CHL1: variants seen among roughly 807,000 people sequenced by gnomAD.
CHL1 encodes the protein cell adhesion molecule L1 like.
CHL1 carries 96 observed loss-of-function variants against 141.9 expected under a neutral mutation model. The ratio of observed to expected loss-of-function variants is 0.68; its 90% CI spans 0.57 to 0.80. The LOEUF (loss-of-function observed/expected upper bound fraction) is 0.80. CHL1 is among the 30% of genes least tolerant of loss of function. The pLI is 0.00. For synonymous variants in CHL1, 613 were observed against 502.2 expected (o/e 1.22, Z -2.95); for missense variants, 1,820 against 1,457.2 (o/e 1.25, Z -4.05).
chr3:231,826 C>G (rs1235384596), intron 1 of CHL1, among the ~76,000 whole-genome samples: 1 of 152,036 alleles, frequency 6.6e-6, no homozygotes, highest in Non-Finnish European at 1.5e-5. Flanking sequence ...ATCCACCCTC[C>G]TTGGCCTCTC....
chr3:332,741 T>G lies in CHL1; in HGVS notation c.385+4387T>G, dbSNP rs141433748. 6.6e-4 allele frequency among the ~76,000 whole-genome samples: 101 copies of G among 152,294 alleles called. 1 individual carries two copies. Among genetic ancestry groups the G allele is most frequent in the African/African-American group, 2.4e-3 (99 of 41,580 alleles). On this transcript the variant is annotated intron_variant, in intron 5 of 27. Transcript: ENST00000256509. ...TGAATTCTGGATTAGAAAGTATTGC[T>G]ATGAAAATTGTGGTTGATCATCGTT...
chr3:215,814 C>T (rs766106822), intron 1 of CHL1, among the ~76,000 whole-genome samples: 16 of 152,162 alleles, frequency 1.1e-4, no homozygotes, highest in Non-Finnish European at 1.9e-4. Flanking sequence ...GCTTTACAAC[C>T]TGACTTTTGG....
chr3:313,710 C>A (rs149800314), intron 2 of CHL1, among the ~76,000 whole-genome samples: 2 of 152,126 alleles, frequency 1.3e-5, no homozygotes, highest in African/African-American at 4.8e-5. Flanking sequence ...AAAACTTAGT[C>A]TTAACCATTT....
At chr3:390,476 A>G (rs1405166515) in intron 20 of CHL1, among the ~76,000 whole-genome samples, 1 of 152,216 alleles carries the variant, frequency 6.6e-6, no homozygotes, top group Non-Finnish European at 1.5e-5. Context: ...CATTGTATCT[A>G]TCTGGAGGGC....
chr3:345,214 C>T (rs1481827844), intron 9 of CHL1, among the ~76,000 whole-genome samples: 1 of 151,856 alleles, frequency 6.6e-6, no homozygotes, highest in African/African-American at 2.4e-5. Flanking sequence ...GTAGTCAGTC[C>T]CTCACTTTTG....
At chr3:402,516 T>C (rs774639580) in intron 27 of CHL1, among the ~76,000 whole-genome samples, 1 of 152,230 alleles carries the variant, frequency 6.6e-6, no homozygotes, top group Non-Finnish European at 1.5e-5. Context: ...ACAGACATAT[T>C]GTAAGTTCCA....
chr3:272,009 A>G (rs915820775), intron 2 of CHL1, among the ~76,000 whole-genome samples: 3 of 152,202 alleles, frequency 2.0e-5, no homozygotes, highest in Non-Finnish European at 2.9e-5. Flanking sequence ...TATGGTAGAC[A>G]TTTTCTGCAA....
At chr3:370,987 G>T (rs1481199586) in intron 15 of CHL1, among the ~76,000 whole-genome samples, 3 of 152,002 alleles carry the variant, frequency 2.0e-5, no homozygotes, top group East Asian at 1.9e-4. Flanking sequence ...ATAATTTACG[G>T]TTTTTTGTAT....
rs148877497 is a variant in CHL1 at position 237,374 on chromosome 3, G to A, written c.-174-7239G>A. ...CTTCCCAAGCCATGCAGAACTGTGA[G>A]TCAATTAAACCTCTTTTCTTTATAA... On this transcript the variant is annotated intron_variant, in intron 1 of 27. Coordinates refer to ENST00000256509, the MANE Select transcript of CHL1 (RefSeq NM_006614.4). 4.9e-4 allele frequency among the ~76,000 whole-genome samples: 75 copies of A among 152,302 alleles called. 2 individuals are homozygous for A. The East Asian group carries it at 9.1e-3, about 18-fold the overall frequency.
At chr3:198,778 C>G (rs1220591652) in intron 1 of CHL1, among the ~76,000 whole-genome samples, 1 of 152,080 alleles carries the variant, frequency 6.6e-6, no homozygotes, top group African/African-American at 2.4e-5. Flanking sequence ...AGTAAAAATT[C>G]TGCGTTTTCT....
At chr3:349,704 T>A (rs374130993) in intron 10 of CHL1, among the ~76,000 whole-genome samples, 161 bp downstream of exon 10, 13 of 152,328 alleles carry the variant, frequency 8.5e-5, no homozygotes, top group South Asian at 4.1e-4. Flanking sequence ...ACTAAGCAGG[T>A]TTGTCATTTA....
intron 2 of CHL1, among the ~76,000 whole-genome samples, chr3:318,364 C>T (rs1235660335): frequency 1.3e-5 from 2 of 151,736 alleles, no homozygotes; most frequent in Non-Finnish European, 2.9e-5. Flanking sequence ...ACTTTTTTCA[C>T]CAGTTCTAAG....
intron 11 of CHL1, among the ~76,000 whole-genome samples, chr3:359,446 G>A (rs911493840): frequency 7.9e-5 from 12 of 151,984 alleles, no homozygotes; most frequent in Admixed American, 6.6e-4. Flanking sequence ...GGGGTTACAG[G>A]AGTGCACCAC....
At chr3:312,727 C>T (rs1030755086) in intron 2 of CHL1, among the ~76,000 whole-genome samples, 6 of 152,152 alleles carry the variant, frequency 3.9e-5, no homozygotes, top group African/African-American at 1.2e-4. Context: ...TGTCAAATGG[C>T]TTTATATAAG....
chr3:324,060 T>C (rs954583884), intron 3 of CHL1, among the ~76,000 whole-genome samples: 1 of 152,148 alleles, frequency 6.6e-6, no homozygotes, highest in Admixed American at 6.6e-5. Context: ...ATAGTAAATA[T>C]TGTTAGCTAT....
At chr3:213,155 GT>G (rs1486914350) in intron 1 of CHL1, 3 of 152,132 alleles carry the variant, frequency 2.0e-5, no homozygotes, top group African/African-American at 2.4e-5. Flanking sequence ...AAGTTAAATT[GT>G]TATTAATGTT....
intron 1 of CHL1, among the ~76,000 whole-genome samples, chr3:204,698 G>A (rs1490771591): frequency 6.6e-6 from 1 of 152,168 alleles, no homozygotes; most frequent in Admixed American, 6.5e-5. Context: ...CACGTCTCAT[G>A]TGCAAAAGGT....
chr3:333,446 A>G (rs1050249728), intron 5 of CHL1, among the ~76,000 whole-genome samples: 1 of 152,152 alleles, frequency 6.6e-6, no homozygotes, highest in Non-Finnish European at 1.5e-5. Flanking sequence ...ACCTTTGTAT[A>G]CAATGTCCAG....
chr3:349,348 A>AT lies in CHL1; in HGVS notation c.849-5dup. 1 of 1,605,112 alleles carries AT rather than the reference A, an allele frequency of 6.2e-7. No homozygotes were observed. The highest frequency in any genetic ancestry group is 8.5e-7 in the Non-Finnish European group (1 of 1,176,360). ...TAAAAAAATGTTTATTTATTTAACT[A>AT]TTTTTTGCAGGCCAACTCCACAGGT... On this transcript the variant is annotated splice_polypyrimidine_tract_variant and intron_variant, in intron 9 of 27. Transcript: ENST00000256509.
Sources: allele counts gnomAD v4.1 joint callset (sites outside exome capture counted in the v4.1 genomes callset), GRCh38; gene constraint gnomAD v4.1.1; transcripts MANE v1.5; gene names NCBI Gene and HGNC (gene_info 2026-07-23, HGNC 2026-07-21).